Variants in PCDHGA8 observed in about 807,000 individuals in gnomAD.
PCDHGA8 encodes protocadherin gamma-A8.
Under a neutral mutation model 59.2 loss-of-function variants are expected in PCDHGA8, and 45 were observed. The ratio of observed to expected loss-of-function variants is 0.76; its 90% confidence interval spans 0.60 to 0.98. The LOEUF is 0.98. Ranked by LOEUF, PCDHGA8 falls within the 50% of genes least tolerant of loss-of-function variation. The pLI, the probability that PCDHGA8 is intolerant of heterozygous loss-of-function variation, is 0.00. For synonymous variants in PCDHGA8, 531 were observed against 519.0 expected (o/e 1.02, Z -0.32); for missense variants, 1,257 against 1,196.2 (o/e 1.05, Z -0.75).
At position 141,495,009 on chromosome 5, in the gene PCDHGA8, G is replaced by A; in HGVS notation, c.2483+144G>A. 6 of 1,518,622 alleles carry A rather than the reference G, an allele frequency of 4.0e-6. No homozygotes were observed. The South Asian group carries it at 6.2e-5, about 16-fold the overall frequency. The allele number at this position is 1,518,622 out of a possible 1,614,324, so 94.1% of individuals were successfully genotyped here. ...TCCCAGGGAGGTCTTGGTGTGCGGG[G>A]GGCTGGCACACAGACCCCGGAAGGA... is the stretch of plus-strand genomic sequence containing the variant. On this transcript the variant is annotated intron_variant, in intron 2 of 3. Coordinates refer to ENST00000398604, the MANE Select transcript of PCDHGA8 (RefSeq NM_032088.2).
At chr5:141,456,860 G>A (rs1345260160) in intron 1 of PCDHGA8, among the ~76,000 whole-genome samples, 1 of 152,170 alleles carries the variant, frequency 6.6e-6, no homozygotes, top group African/African-American at 2.4e-5. Flanking sequence ...CTAATTGGGA[G>A]GCTGAGGCAG....
At chr5:141,498,863 G>A (rs1311199561) in intron 2 of PCDHGA8, among the ~76,000 whole-genome samples, 2 of 151,466 alleles carry the variant, frequency 1.3e-5, no homozygotes, top group South Asian at 2.1e-4. Context: ...AACCCAGGAG[G>A]CGGAGGTTGC....
At position 141,410,612 on chromosome 5, in the gene PCDHGA8, C is replaced by CT. The variant is rs748943892; in HGVS notation, c.2424+15376dup. The CT allele has an allele frequency of 5.6e-6, 9 of 1,605,878 alleles. 1 individual carries two copies. The South Asian group carries it at 9.9e-5, about 18-fold the overall frequency. On this transcript the variant is annotated intron_variant, in intron 1 of 3. Transcript: ENST00000398604. ...GGATTTGACTTCACATCCTGAGACT[C>CT]TGACTTCGGTGAGTTTCTCTTTTTT...
At chr5:141,423,785 A>G (rs531378008) in intron 1 of PCDHGA8, 48 of 1,269,536 alleles carry the variant, frequency 3.8e-5, no homozygotes, top group Non-Finnish European at 4.4e-5. Context: ...TTTAGTTCAT[A>G]TATATTTAGA....
intron 1 of PCDHGA8, chr5:141,421,044 C>CGCCT (rs891153203): frequency 6.4e-5 from 35 of 548,614 alleles, no homozygotes; most frequent in African/African-American, 6.0e-4. Context: ...CTCCCTCCCC[C>CGCCT]GCCTCTACCA....
At chr5:141,473,988 G>C (rs1006988447) in intron 1 of PCDHGA8, among the ~76,000 whole-genome samples, 8 of 152,118 alleles carry the variant, frequency 5.3e-5, no homozygotes, top group Non-Finnish European at 4.4e-5. Context: ...AGGATCCCTT[G>C]AGCCCAAGGA....
At chr5:141,433,124 G>T in intron 1 of PCDHGA8, 5 of 1,614,136 alleles carry the variant, frequency 3.1e-6, no homozygotes, top group Non-Finnish European at 4.2e-6. Context: ...TGAAAAAAGC[G>T]AGCCCCTTTT....
chr5:141,432,369 A>G lies in PCDHGA8; in HGVS notation c.2424+37132A>G. 6.2e-7 allele frequency: 1 copy of G among 1,614,222 alleles called. No homozygotes were observed. The highest frequency in any genetic ancestry group is 1.1e-5 in the South Asian group (1 of 91,084). ...CAAGTGAAAGTGATGGCGCGGGACA[A>G]CGGGCACCCGCCCCTCAGCAGCAAC... On this transcript the variant is annotated intron_variant, in intron 1 of 3. Coordinates refer to ENST00000398604, the MANE Select transcript of PCDHGA8 (RefSeq NM_032088.2). The surrounding 1 kb of genome is among the most constrained non-coding windows in gnomAD (Gnocchi z 6.0).
chr5:141,425,394 G>C (rs186813737), intron 1 of PCDHGA8, among the ~76,000 whole-genome samples: 2 of 152,184 alleles, frequency 1.3e-5, no homozygotes, highest in Non-Finnish European at 2.9e-5. Context: ...TAGTGATAAA[G>C]TTCTGTTAAG....
At chr5:141,510,824 A>G (rs947400590) in intron 3 of PCDHGA8, 123 bp from the exon 4 acceptor site, 2 of 1,563,416 alleles carry the variant, frequency 1.3e-6, no homozygotes, top group Non-Finnish European at 1.7e-6. Flanking sequence ...CTATATTCCC[A>G]GTGCTCAGCG....
Position 141,414,827 on chromosome 5 carries a change from C to T in PCDHGA8, c.2424+19590C>T, listed in dbSNP as rs1253521902. On this transcript the variant is annotated intron_variant, in intron 1 of 3. Coordinates refer to ENST00000398604, the MANE Select transcript of PCDHGA8 (RefSeq NM_032088.2). Reference sequence around the variant, plus strand: ...GATCCTCCACTCAGCAGCAACGTGTCGTTGAGCCTGTTTGTGCTGGACCAG... The same window carrying T: ...GATCCTCCACTCAGCAGCAACGTGTTGTTGAGCCTGTTTGTGCTGGACCAG... 1.9e-6 allele frequency: 3 copies of T among 1,614,116 alleles called. No individual in the cohort carries two copies. Among genetic ancestry groups the T allele is most frequent in the African/African-American group, 1.3e-5 (1 of 74,946 alleles).
intron 1 of PCDHGA8, chr5:141,427,597 T>C: frequency 1.5e-6 from 1 of 682,152 alleles, no homozygotes; most frequent in Non-Finnish European, 2.7e-6. Context: ...AGCCTCACCC[T>C]ACGCATTGGT....
chr5:141,431,685 A>C lies in PCDHGA8; in HGVS notation c.2424+36448A>C. The C allele has an allele frequency of 6.2e-7, 1 of 1,614,246 alleles. No homozygotes were observed. Among genetic ancestry groups the C allele is most frequent in the East Asian group, 2.2e-5 (1 of 44,876 alleles). ...ATATCAACAATAGGGGAGTTGGACCACGAGGAGTCAGGATTCTACCAGATG... is the reference window on the plus strand; with the variant it reads ...ATATCAACAATAGGGGAGTTGGACCCCGAGGAGTCAGGATTCTACCAGATG... On this transcript the variant is annotated intron_variant, in intron 1 of 3. Transcript: ENST00000398604. This position sits in a 1 kb window ranked among gnomAD's most constrained non-coding sequence, Gnocchi z 4.8.
At chr5:141,422,142 G>T in intron 1 of PCDHGA8, 1 of 1,583,694 alleles carries the variant, frequency 6.3e-7, no homozygotes, top group Non-Finnish European at 8.5e-7. Flanking sequence ...TTCAAGTACG[G>T]GGGTCTCTGG....
Position 141,431,351 on chromosome 5 carries a change from C to T in PCDHGA8, c.2424+36114C>T, listed in dbSNP as rs1411192998. On this transcript the variant is annotated intron_variant, in intron 1 of 3. Coordinates refer to ENST00000398604, the MANE Select transcript of PCDHGA8 (RefSeq NM_032088.2). The surrounding 1 kb of genome is among the most constrained non-coding windows in gnomAD (Gnocchi z 4.8). ...TAAGTACCCCGAATTGGTGCTGAAACGCGCCCTGGACCGCGAAGAAAAGGC... is the reference window on the plus strand; with the variant it reads ...TAAGTACCCCGAATTGGTGCTGAAATGCGCCCTGGACCGCGAAGAAAAGGC... The T allele has an allele frequency of 1.9e-6, 3 of 1,613,946 alleles. No homozygotes were observed. Among genetic ancestry groups the T allele is most frequent in the African/African-American group, 2.7e-5 (2 of 74,938 alleles).
chr5:141,434,789 T>C (rs2097718008), intron 1 of PCDHGA8, among the ~76,000 whole-genome samples: 1 of 152,008 alleles, frequency 6.6e-6, no homozygotes, highest in African/African-American at 2.4e-5. Context: ...AAAAAATTTT[T>C]TTTTCTGAGC....
intron 1 of PCDHGA8, chr5:141,398,032 C>A: frequency 6.8e-7 from 1 of 1,469,940 alleles, no homozygotes; most frequent in South Asian, 1.4e-5. Flanking sequence ...GGAACTGGAA[C>A]TAAAGCCCGT....
chr5:141,428,169 G>A (rs758370904), intron 1 of PCDHGA8: 1 of 1,540,076 alleles, frequency 6.5e-7, no homozygotes, highest in Non-Finnish European at 8.9e-7. Flanking sequence ...GTTGCTGTGC[G>A]TGACGGAGGA....
rs922668811 is a variant in PCDHGA8 at position 141,432,984 on chromosome 5, G to A, written c.2424+37747G>A. On this transcript the variant is annotated intron_variant, in intron 1 of 3. Transcript: ENST00000398604. This position sits in a 1 kb window ranked among gnomAD's most constrained non-coding sequence, Gnocchi z 6.0. ...GGAGCGCCGGCGTCGCACTTTGTGG[G>A]CGTGGACGGGGTGCAGGCTTTCCTG... 1.9e-6 allele frequency: 3 copies of A among 1,614,214 alleles called. No individual in the cohort carries two copies. Among genetic ancestry groups the A allele is most frequent in the Admixed American group, 1.7e-5 (1 of 60,028 alleles).
Sources: allele counts gnomAD v4.1 joint callset (sites outside exome capture counted in the v4.1 genomes callset), GRCh38; gene constraint gnomAD v4.1.1; non-coding constraint Gnocchi (gnomAD v3.1); transcripts MANE v1.5; gene names NCBI Gene and HGNC (gene_info 2026-07-23, HGNC 2026-07-21).